Variants in CDH4 observed in about 807,000 individuals in gnomAD.
CDH4 encodes the protein cadherin-4.
Under a neutral mutation model 86.0 loss-of-function variants are expected in CDH4, and 33 were observed. The observed-to-expected ratio is 0.38, with a 90% CI of 0.29 to 0.51. CDH4 has a LOEUF of 0.51. Ranked by LOEUF, CDH4 falls within the 20% of genes least tolerant of loss-of-function variation. The probability of loss-of-function intolerance (pLI) is 0.86; values close to 1 mark genes in which losing one functional copy is unlikely to be tolerated. For missense variants in CDH4, 1,114 were observed against 1,307.4 expected (o/e 0.85, Z 2.28); for synonymous variants, 555 against 549.4 (o/e 1.01, Z -0.14).
chr20:61,692,509 G>C (rs559859323), intron 2 of CDH4, among the ~76,000 whole-genome samples: 1 of 152,342 alleles, frequency 6.6e-6, no homozygotes. Context: ...GAAAGGATGA[G>C]AAAAAGTCCT....
intron 2 of CDH4, among the ~76,000 whole-genome samples, chr20:61,453,332 G>T (rs1387778535): frequency 6.6e-6 from 1 of 152,186 alleles, no homozygotes; most frequent in Non-Finnish European, 1.5e-5. Context: ...CTTTGAAGAT[G>T]CAAGTTCCTG....
At chr20:61,529,543 A>G (rs934544363) in intron 2 of CDH4, among the ~76,000 whole-genome samples, 7 of 152,222 alleles carry the variant, frequency 4.6e-5, no homozygotes, top group African/African-American at 7.2e-5. Context: ...GAATCTGACT[A>G]TAGGAATCTG....
rs191391182 is a variant in CDH4, at chr20:61,478,752, A to G, written c.169+223815A>G. 8.0e-3 allele frequency among the ~76,000 whole-genome samples: 1,216 copies of G among 152,314 alleles called. 8 individuals are homozygous for G. Among genetic ancestry groups the G allele is most frequent in the Non-Finnish European group, 0.011 (772 of 68,036 alleles). On this transcript the variant is annotated intron_variant, in intron 2 of 15. Coordinates refer to ENST00000614565, the MANE Select transcript of CDH4 (RefSeq NM_001794.5). ...AAGACCTAGAAACTATGTTTCATTC[A>G]CCATTTTCTAGAGATGAAAGTTGAA...
intron 4 of CDH4, among the ~76,000 whole-genome samples, chr20:61,797,163 C>T (rs151235361): frequency 5.9e-4 from 90 of 152,252 alleles, no homozygotes; most frequent in African/African-American, 2.2e-3. Flanking sequence ...ACAATAATGC[C>T]GTTGCCAAGT....
intron 2 of CDH4, among the ~76,000 whole-genome samples, chr20:61,520,716 CAG>C (rs145532540): frequency 0.041 from 6,301 of 152,214 alleles, 406 homozygotes; most frequent in African/African-American, 0.14. Flanking sequence ...AGCGGTAAAT[CAG>C]AGTGCACGCC....
intron 2 of CDH4, among the ~76,000 whole-genome samples, chr20:61,500,198 T>G (rs2085690872): frequency 6.6e-6 from 1 of 152,146 alleles, no homozygotes; most frequent in African/African-American, 2.4e-5. Context: ...GTTGTGTTTG[T>G]CAAATAATGG....
At chr20:61,564,869 G>A (rs1316921916) in intron 2 of CDH4, among the ~76,000 whole-genome samples, 3 of 152,212 alleles carry the variant, frequency 2.0e-5, no homozygotes, top group African/African-American at 7.2e-5. Flanking sequence ...GGGGAGATGC[G>A]GGAGCATAGG....
chr20:61,724,331 G>A (rs772081728), intron 2 of CDH4, among the ~76,000 whole-genome samples: 4 of 152,292 alleles, frequency 2.6e-5, no homozygotes, highest in African/African-American at 7.2e-5. Flanking sequence ...CATAGCCAGC[G>A]CCTGTGTTGT....
At chr20:61,264,937 T>G in intron 2 of CDH4, among the ~76,000 whole-genome samples, 1 of 146,582 alleles carries the variant, frequency 6.8e-6, no homozygotes, top group African/African-American at 2.6e-5. Context: ...GGCTCCTTCA[T>G]TCAGTCCTAC....
At chr20:61,802,173 A>T (rs1005581769) in intron 4 of CDH4, among the ~76,000 whole-genome samples, 9 of 152,232 alleles carry the variant, frequency 5.9e-5, no homozygotes, top group African/African-American at 2.2e-4. Context: ...AGGCCCAGGC[A>T]GACCCCTCCT....
Position 61,594,597 on chromosome 20 carries a change from C to A in CDH4, c.170-148966C>A, listed in dbSNP as rs1014526032. ...TCGAGGGTCCTTCCAACCCTAGACA[C>A]CTGCTGCCGCCTTTTTCTAAATTGC... On this transcript the variant is annotated intron_variant, in intron 2 of 15. Transcript: ENST00000614565. Among the ~76,000 whole-genome samples the A allele has an allele frequency of 2.0e-5, 3 of 152,318 alleles. 1 individual carries two copies. The highest frequency in any genetic ancestry group is 3.4e-3 in the Middle Eastern group (1 of 294).
At chr20:61,591,108 G>A (rs938661203) in intron 2 of CDH4, among the ~76,000 whole-genome samples, 2 of 151,892 alleles carry the variant, frequency 1.3e-5, no homozygotes, top group Non-Finnish European at 2.9e-5. Flanking sequence ...TAAGTACCAG[G>A]GCTGGACCTA....
chr20:61,368,745 G>A lies in CDH4; in HGVS notation c.169+113808G>A, dbSNP rs560974341. The stretch of plus-strand genomic sequence containing the variant: ...TTGCCCAGGCTGGTCTTGAACTCCT[G>A]GCCTCAAGTGATCTGCCTGCCTTGG... On this transcript the variant is annotated intron_variant, in intron 2 of 15. Transcript: ENST00000614565. 2.0e-5 allele frequency among the ~76,000 whole-genome samples: 3 copies of A among 152,070 alleles called. No individual in the cohort carries two copies. The East Asian group carries it at 5.9e-4, about 30-fold the overall frequency.
intron 8 of CDH4, among the ~76,000 whole-genome samples, chr20:61,905,205 T>A (rs900523769): frequency 1.3e-5 from 2 of 151,958 alleles, no homozygotes; most frequent in African/African-American, 2.4e-5. Context: ...TCTGAAAAAA[T>A]TAAATTTAAA....
chr20:61,565,233 G>GTGGTGGTGGCGGTGCTCTTGGTGA lies in CDH4; in HGVS notation c.170-178320_170-178297dup. Among the ~76,000 whole-genome samples, 2 of 46,744 alleles carry GTGGTGGTGGCGGTGCTCTTGGTGA rather than the reference G, an allele frequency of 4.3e-5. 1 individual carries two copies. Among genetic ancestry groups the GTGGTGGTGGCGGTGCTCTTGGTGA allele is most frequent in the Non-Finnish European group, 8.2e-5 (2 of 24,304 alleles). 30.7% of individuals were successfully genotyped at this position (46,744 alleles called of 152,430 possible). A position where few individuals can be genotyped will look rare whatever the true frequency, so the allele number is the denominator to read the frequency against. On this transcript the variant is annotated intron_variant, in intron 2 of 15. Coordinates refer to ENST00000614565, the MANE Select transcript of CDH4 (RefSeq NM_001794.5). ...GTGCTCTCGGTGGTAGGTGGTGGTGGTGGTGGTGGCGGTGCTCTTGGTGAT... is the reference window on the plus strand; with the variant it reads ...GTGCTCTCGGTGGTAGGTGGTGGTGGTGGTGGTGGCGGTGCTCTTGGTGATGGTGGTGGCGGTGCTCTTGGTGAT...
At position 61,539,242 on chromosome 20, in the gene CDH4, A is replaced by G. The variant is rs1002879017; in HGVS notation, c.170-204321A>G. 9.9e-5 allele frequency among the ~76,000 whole-genome samples: 15 copies of G among 152,122 alleles called. No homozygotes were observed. In the South Asian group the frequency reaches 3.1e-3, roughly 32 times the overall value. ...CCTTGCTTTGAAGCCTCTGGGTCTC[A>G]CCCAGCCCCAGCTTACTTCTTGCAT... On this transcript the variant is annotated intron_variant, in intron 2 of 15. Coordinates refer to ENST00000614565, the MANE Select transcript of CDH4 (RefSeq NM_001794.5).
At chr20:61,626,491 G>C (rs190924562) in intron 2 of CDH4, among the ~76,000 whole-genome samples, 7 of 152,018 alleles carry the variant, frequency 4.6e-5, no homozygotes, top group Non-Finnish European at 8.8e-5. Context: ...AGTGCGTTGT[G>C]GGGGGTGGGG....
chr20:61,381,144 G>T (rs1274592024), intron 2 of CDH4, among the ~76,000 whole-genome samples: 1 of 152,170 alleles, frequency 6.6e-6, no homozygotes, highest in Middle Eastern at 3.2e-3. Context: ...ATGGAGTAGT[G>T]ATCTCGAATG....
In CDH4 at chr20:61,386,980, G is replaced by A. The variant is rs140328158; in HGVS notation, c.169+132043G>A. On this transcript the variant is annotated intron_variant, in intron 2 of 15. Coordinates refer to ENST00000614565, the MANE Select transcript of CDH4 (RefSeq NM_001794.5). ...AGCTGCCCATGGGAGGAACTCCCGC[G>A]AGTTCTGTTACCAATTTTCCACGTC... is the stretch of plus-strand genomic sequence containing the variant. Among the ~76,000 whole-genome samples the A allele has an allele frequency of 1.9e-3, 295 of 152,366 alleles. 1 individual carries two copies. Among genetic ancestry groups the A allele is most frequent in the African/African-American group, 6.7e-3 (277 of 41,586 alleles).
Sources: allele counts gnomAD v4.1 joint callset (sites outside exome capture counted in the v4.1 genomes callset), GRCh38; gene constraint gnomAD v4.1.1; transcripts MANE v1.5; gene names NCBI Gene and HGNC (gene_info 2026-07-23, HGNC 2026-07-21).